The following DHCR24 variants were observed in gnomAD, a reference collection of about 807,000 sequenced individuals.
DHCR24 encodes 24-dehydrocholesterol reductase, also known as delta(24)-sterol reductase.
DHCR24 carries 28 observed loss-of-function variants against 61.2 expected under a neutral mutation model. The observed-to-expected ratio is 0.46, with a 90% confidence interval of 0.34 to 0.63. DHCR24 has a LOEUF of 0.63. DHCR24 is among the 20% of genes least tolerant of loss of function. The pLI is 0.01. For synonymous variants in DHCR24, 261 were observed against 275.9 expected (o/e 0.95, Z 0.54); for missense variants, 538 against 679.1 (o/e 0.79, Z 2.31).
chr1:54,873,454 T>A (rs1647010088), intron 4 of DHCR24, among the ~76,000 whole-genome samples: 1 of 152,190 alleles, frequency 6.6e-6, no homozygotes, highest in Non-Finnish European at 1.5e-5. Flanking sequence ...TCTTTCTGCT[T>A]ATTAAAAAAA....
intron 6 of DHCR24, among the ~76,000 whole-genome samples, chr1:54,863,439 T>C (rs1359438997): frequency 6.6e-6 from 1 of 152,224 alleles, no homozygotes; most frequent in South Asian, 2.1e-4. Flanking sequence ...TGGTGCCTGT[T>C]TGACCTCATT....
chr1:54,886,662 C>G, intron 1 of DHCR24: 1 of 1,508,894 alleles, frequency 6.6e-7, no homozygotes, highest in Non-Finnish European at 8.8e-7. Context: ...TCATCTCCCT[C>G]CAGGTACCCG....
At position 54,865,496 on chromosome 1, in the gene DHCR24, C is replaced by T. The variant is rs771793051; in HGVS notation, c.877-50G>A. 11 of 1,611,464 alleles carry T rather than the reference C, an allele frequency of 6.8e-6. No homozygotes were observed. The East Asian group carries it at 2.5e-4, about 36-fold the overall frequency. ...TCAGCCTGCAGACAAGCGCCCAGCACCATCGGGGTGTAACAGCGACACCCG... is the reference window on the plus strand; with the variant it reads ...TCAGCCTGCAGACAAGCGCCCAGCATCATCGGGGTGTAACAGCGACACCCG... On this transcript the variant is annotated intron_variant, in intron 5 of 8. Coordinates refer to ENST00000371269, the MANE Select transcript of DHCR24 (RefSeq NM_014762.4).
chr1:54,878,279 G>A (rs542929698), intron 2 of DHCR24, among the ~76,000 whole-genome samples: 61 of 151,998 alleles, frequency 4.0e-4, no homozygotes, highest in African/African-American at 1.5e-3. Flanking sequence ...GCCAAGGCAG[G>A]TGGACCACCT....
In DHCR24 at chr1:54,852,148, G is replaced by T; in HGVS notation, c.*85C>A. ...TCTGGAGGGGTTTCTCTTTGAAAGTGTGGATCTAGGAAAGCAGCCAAGCTT... is the reference window on the plus strand; with the variant it reads ...TCTGGAGGGGTTTCTCTTTGAAAGTTTGGATCTAGGAAAGCAGCCAAGCTT... On this transcript the variant is annotated 3_prime_UTR_variant, in exon 9 of 9. Transcript: ENST00000371269. The T allele has an allele frequency of 6.4e-7, 1 of 1,552,372 alleles. No homozygotes were observed. Among genetic ancestry groups the T allele is most frequent in the Non-Finnish European group, 8.8e-7 (1 of 1,133,044 alleles).
rs936812617 is a variant in DHCR24 at position 54,883,057 on chromosome 1, T to C, written c.387+561A>G. On this transcript the variant is annotated intron_variant, in intron 2 of 8. Coordinates refer to ENST00000371269, the MANE Select transcript of DHCR24 (RefSeq NM_014762.4). The surrounding 1 kb of genome is among the most constrained non-coding windows in gnomAD (Gnocchi z 4.3). ...ATAACAAAATGCCATCAAGTAGACA[T>C]ACCATATTTAATGACTACCCTATTA... Among the ~76,000 whole-genome samples, 12 of 152,184 alleles carry C rather than the reference T, an allele frequency of 7.9e-5. No homozygotes were observed. The highest frequency in any genetic ancestry group is 2.9e-4 in the African/African-American group (12 of 41,430).
At chr1:54,878,954 A>C (rs1647049904) in intron 2 of DHCR24, among the ~76,000 whole-genome samples, 1 of 152,230 alleles carries the variant, frequency 6.6e-6, no homozygotes. Context: ...ATTAGTGAAC[A>C]GGGACATCAA....
rs933810020 is a variant in DHCR24 at position 54,875,343 on chromosome 1, G to C, written c.494-132C>G. ...GCAGAAATGGGGCTGTTGACTTAGG[G>C]GAGATTTCCCACCTGTCAATCTAGA... On this transcript the variant is annotated intron_variant, in intron 3 of 8. Coordinates refer to ENST00000371269, the MANE Select transcript of DHCR24 (RefSeq NM_014762.4). The C allele has an allele frequency of 3.8e-6, 3 of 787,006 alleles. No homozygotes were observed. In the African/African-American group the frequency reaches 5.1e-5, roughly 13 times the overall value. The allele number at this position is 787,006 out of a possible 1,614,324, so 48.8% of individuals were successfully genotyped here.
At chr1:54,874,462 T>G (rs1647015610) in intron 4 of DHCR24, among the ~76,000 whole-genome samples, 1 of 152,238 alleles carries the variant, frequency 6.6e-6, no homozygotes, top group African/African-American at 2.4e-5. Context: ...TACCATGCTG[T>G]ATAGGTCTGT....
Position 54,887,077 on chromosome 1 carries a change from G to T in DHCR24, c.43C>A (p.Leu15Met). 1.9e-6 allele frequency: 3 copies of T among 1,608,238 alleles called. No homozygotes were observed. Among genetic ancestry groups the T allele is most frequent in the Non-Finnish European group, 2.5e-6 (3 of 1,177,556 alleles). ...VSLAVCALLF[L>M]LWVRLKGLEF... ...AGCCCCTTCAGGCGCACCCACAGCA[G>T]GAAGAGCAGCGCGCACACGGCCAGC... The change falls in exon 1 of 9, where the codon CTG becomes ATG. Residue 15 changes from leucine to methionine, a missense_variant. Leu to Met is a conservative substitution (Grantham distance 15). Transcript: ENST00000371269.
chr1:54,862,096 C>T (rs1242813437), intron 6 of DHCR24, among the ~76,000 whole-genome samples: 1 of 152,160 alleles, frequency 6.6e-6, no homozygotes, highest in African/African-American at 2.4e-5. Flanking sequence ...CACTCCCCTA[C>T]TCAAGACTTC....
intron 6 of DHCR24, among the ~76,000 whole-genome samples, chr1:54,858,870 AG>A (rs1646921579): frequency 1.3e-5 from 2 of 152,130 alleles, no homozygotes; most frequent in African/African-American, 4.8e-5. Flanking sequence ...TCCTGACCTC[AG>A]GTGATCCGCC....
intron 2 of DHCR24, among the ~76,000 whole-genome samples, chr1:54,882,249 T>A (rs570838469): frequency 6.6e-6 from 1 of 152,192 alleles, no homozygotes; most frequent in South Asian, 2.1e-4. Flanking sequence ...AACATGCACA[T>A]GGAAAGATCA....
chr1:54,876,739 T>C lies in DHCR24; in HGVS notation c.388-692A>G, dbSNP rs980323940. ...CAGTGTATTTACTTTGGTTTTTTTTTCCCCACACATACTGTATTGGTACTG... is the reference window on the plus strand; with the variant it reads ...CAGTGTATTTACTTTGGTTTTTTTTCCCCCACACATACTGTATTGGTACTG... On this transcript the variant is annotated intron_variant, in intron 2 of 8. Coordinates refer to ENST00000371269, the MANE Select transcript of DHCR24 (RefSeq NM_014762.4). Among the ~76,000 whole-genome samples the C allele has an allele frequency of 1.6e-4, 24 of 151,780 alleles. 2 individuals are homozygous for C. The highest frequency in any genetic ancestry group is 3.6e-4 in the African/African-American group (15 of 41,322).
chr1:54,861,071 G>T (rs552741558), intron 6 of DHCR24, among the ~76,000 whole-genome samples: 2 of 151,742 alleles, frequency 1.3e-5, no homozygotes, highest in African/African-American at 4.8e-5. Flanking sequence ...CTCTGCCCTT[G>T]GCCTTCTTTC....
chr1:54,865,083 G>C lies in DHCR24; in HGVS notation c.1020+220C>G, dbSNP rs2303533. On this transcript the variant is annotated intron_variant, in intron 6 of 8. Transcript: ENST00000371269. ...TACCGGCCCAGGGGCTTACTCCCCA[G>C]CACCAAGCAGATGCTTGCTAAGAGC... Among the ~76,000 whole-genome samples the C allele has an allele frequency of 0.46, 69,605 of 151,992 alleles. 18,208 individuals are homozygous for C. The highest frequency in any genetic ancestry group is 0.65 in the South Asian group (3,145 of 4,822).
Position 54,871,500 on chromosome 1 carries a change from G to C in DHCR24, c.726C>G (p.Phe242Leu), listed in dbSNP as rs138043637. The C allele has an allele frequency of 6.2e-7, 1 of 1,614,086 alleles. No homozygotes were observed. Among genetic ancestry groups the C allele is most frequent in the African/African-American group, 1.3e-5 (1 of 74,944 alleles). Residue 242 changes from phenylalanine (F) to leucine (L), a missense_variant, in exon 5 of 9, where the codon TTC becomes TTG. By Grantham distance (22) the Phe-to-Leu change is conservative (BLOSUM62 0). Transcript: ENST00000371269. Reference sequence around the variant, plus strand: ...TAGCCTCCAGGCCCCGCACTGGCTCGAAACGCAGCTTGACGTACTTCTTGG... The same window carrying C: ...TAGCCTCCAGGCCCCGCACTGGCTCCAAACGCAGCTTGACGTACTTCTTGG... ...IPAKKYVKLRFEPVRGLEAIC... is the reference protein window; with the variant it reads ...IPAKKYVKLRLEPVRGLEAIC...
chr1:54,868,066 G>A (rs1041398429), intron 5 of DHCR24, among the ~76,000 whole-genome samples: 9 of 152,160 alleles, frequency 5.9e-5, no homozygotes, highest in Non-Finnish European at 8.8e-5. Context: ...GGATTGTACC[G>A]GATGATTTTA....
At chr1:54,868,604 C>T (rs1029849494) in intron 5 of DHCR24, among the ~76,000 whole-genome samples, 2 of 152,158 alleles carry the variant, frequency 1.3e-5, no homozygotes, top group Non-Finnish European at 2.9e-5. Context: ...TTCCTCAGTG[C>T]AAGGTGCAAT....
Sources: allele counts gnomAD v4.1 joint callset (sites outside exome capture counted in the v4.1 genomes callset), GRCh38; gene constraint gnomAD v4.1.1; non-coding constraint Gnocchi (gnomAD v3.1); transcripts MANE v1.5; gene names NCBI Gene and HGNC (gene_info 2026-07-23, HGNC 2026-07-21).